ABCC12: variants seen among roughly 807,000 people sequenced by gnomAD.
The protein encoded by ABCC12 is ATP binding cassette subfamily C member 12.
Under a neutral mutation model 151.1 loss-of-function variants are expected in ABCC12, and 142 were observed. The observed-to-expected ratio is 0.94, with a 90% CI of 0.82 to 1.08. ABCC12 has a LOEUF of 1.08. Ranked by LOEUF, ABCC12 falls within the 50% of genes least tolerant of loss-of-function variation. ABCC12 has a pLI of 0.00. For missense variants in ABCC12, 1,638 were observed against 1,691.1 expected, an observed-to-expected ratio of 0.97 and a Z score of 0.55; for synonymous variants, 645 against 646.4, an observed-to-expected ratio of 1.00 and a Z score of 0.03.
Position 48,081,354 on chromosome 16 carries a change from T to C in ABCC12, c.*2361A>G, listed in dbSNP as rs556929622. On this transcript the variant is annotated 3_prime_UTR_variant, in exon 31 of 31. Transcript: ENST00000311303. ...TGGGAGAGGGGTTTGCTAAGATGGT[T>C]TCGTGTCTTATACATGCAAACAGCC... Among the ~76,000 whole-genome samples the C allele has an allele frequency of 6.6e-6, 1 of 152,268 alleles. No individual in the cohort carries two copies. The highest frequency in any genetic ancestry group is 6.5e-5 in the Admixed American group (1 of 15,298).
chr16:48,097,936 G>A (rs1045655935), intron 23 of ABCC12, among the ~76,000 whole-genome samples: 7 of 152,182 alleles, frequency 4.6e-5, no homozygotes, highest in Non-Finnish European at 8.8e-5. Flanking sequence ...AGGAGAGAAT[G>A]GCCCAGAGGT....
In ABCC12 at chr16:48,142,112, G is replaced by A. The variant is rs149425739; in HGVS notation, c.276-759C>T. Among the ~76,000 whole-genome samples the A allele has an allele frequency of 1.4e-3, 211 of 152,232 alleles. 1 individual carries two copies. Among genetic ancestry groups the A allele is most frequent in the Non-Finnish European group, 2.5e-3 (168 of 68,000 alleles). The stretch of plus-strand genomic sequence containing the variant: ...GGTTCAAGGACCGACCCCAGTTTTC[G>A]GGCTTGGCCAACTGTGTGAATATTT... On this transcript the variant is annotated intron_variant, in intron 4 of 30. Transcript: ENST00000311303.
At chr16:48,155,661 C>A (rs1395960517) in intron 1 of ABCC12, among the ~76,000 whole-genome samples, 180 bp downstream of exon 1, 1 of 152,208 alleles carries the variant, frequency 6.6e-6, no homozygotes. Context: ...CTTCTGGGAG[C>A]CTCGTCCCTG....
intron 6 of ABCC12, among the ~76,000 whole-genome samples, chr16:48,139,855 C>T (rs1439759124): frequency 1.3e-5 from 2 of 152,198 alleles, no homozygotes; most frequent in African/African-American, 4.8e-5. Context: ...CTTTCTCCTA[C>T]CACCTGTCTG....
intron 22 of ABCC12, among the ~76,000 whole-genome samples, chr16:48,102,505 T>C (rs752218937): frequency 3.0e-4 from 45 of 152,336 alleles, no homozygotes; most frequent in Non-Finnish European, 4.3e-4. Flanking sequence ...ATCAAGAACT[T>C]GGACACCCTT....
intron 4 of ABCC12, among the ~76,000 whole-genome samples, chr16:48,143,398 C>T (rs1335368421): frequency 6.6e-6 from 1 of 152,246 alleles, no homozygotes; most frequent in Non-Finnish European, 1.5e-5. Context: ...GCCCAAATCT[C>T]AGAGAATGGT....
intron 8 of ABCC12, among the ~76,000 whole-genome samples, chr16:48,136,440 T>C (rs541569990): frequency 1.3e-5 from 2 of 152,106 alleles, no homozygotes; most frequent in Non-Finnish European, 2.9e-5. Flanking sequence ...TCTTCCCCCA[T>C]AGAATAACGT....
intron 24 of ABCC12, among the ~76,000 whole-genome samples, chr16:48,095,475 TG>T (rs1293645569): frequency 8.6e-5 from 13 of 151,812 alleles, no homozygotes; most frequent in African/African-American, 3.1e-4. Flanking sequence ...AAAAATATGC[TG>T]CATCCATGTA....
At chr16:48,126,162 A>G (rs1014809571) in intron 11 of ABCC12, among the ~76,000 whole-genome samples, 39 of 152,180 alleles carry the variant, frequency 2.6e-4, no homozygotes, top group African/African-American at 8.9e-4. Context: ...AGCTGAATCT[A>G]TTTAATTCCC....
chr16:48,091,076 C>T (rs893324342), intron 25 of ABCC12, 44 bp downstream of exon 25: 1 of 1,591,482 alleles, frequency 6.3e-7, no homozygotes, highest in African/African-American at 1.3e-5. Flanking sequence ...CCAAGTCCTG[C>T]CAAAATTAAC....
intron 3 of ABCC12, among the ~76,000 whole-genome samples, chr16:48,145,678 C>T (rs772308918): frequency 3.9e-5 from 6 of 152,196 alleles, no homozygotes; most frequent in Non-Finnish European, 5.9e-5. Context: ...ACTGTGTGAC[C>T]GAGCCTGGGC....
rs781562888 is a variant in ABCC12 at position 48,105,292 on chromosome 16, G to C, written c.2520C>G (p.Gly840=). Residue 840 remains glycine (G), a synonymous_variant, in exon 21 of 31, where the codon GGC becomes GGG. Coordinates refer to ENST00000311303, the MANE Select transcript of ABCC12 (RefSeq NM_001393797.1). ...PQGNRTMCEV[G]AVLADIGQHV... ...GCTGACCGATGTCTGCCAGCACCGC[G>C]CCGACCTCACACATGGTCCTGTTGC... 1 of 1,613,410 alleles carries C rather than the reference G, an allele frequency of 6.2e-7. No homozygotes were observed. The highest frequency in any genetic ancestry group is 8.5e-7 in the Non-Finnish European group (1 of 1,179,902).
In ABCC12 at chr16:48,083,820, G is replaced by T. The variant is rs1214569542; in HGVS notation, c.3994-19C>A. 1.2e-6 allele frequency: 2 copies of T among 1,614,014 alleles called. No homozygotes were observed. Among genetic ancestry groups the T allele is most frequent in the Non-Finnish European group, 1.7e-6 (2 of 1,179,978 alleles). On this transcript the variant is annotated intron_variant, in intron 30 of 30. Coordinates refer to ENST00000311303, the MANE Select transcript of ABCC12 (RefSeq NM_001393797.1). ...CAATCACCTGAAAGTCAGAGAAGAA[G>T]AACTGAAATCATCGGAAAATATCTA...
intron 18 of ABCC12, among the ~76,000 whole-genome samples, chr16:48,109,026 C>T (rs184624003): frequency 6.6e-6 from 1 of 152,220 alleles, no homozygotes; most frequent in African/African-American, 2.4e-5. Context: ...TTCCTATTGG[C>T]CTTGGGGTGA....
chr16:48,124,802 C>A (rs1240946402), intron 11 of ABCC12, among the ~76,000 whole-genome samples: 2 of 152,176 alleles, frequency 1.3e-5, no homozygotes, highest in Non-Finnish European at 2.9e-5. Context: ...ATTATCAGAG[C>A]CTGCTATGTG....
chr16:48,082,596 C>G lies in ABCC12; in HGVS notation c.*1119G>C, dbSNP rs1014849467. ...TCCTCCACGTCTGGGGAAGCAAGTA[C>G]GTGACCAACACTTACAAGGGAAGTG... On this transcript the variant is annotated 3_prime_UTR_variant, in exon 31 of 31. Transcript: ENST00000311303. Among the ~76,000 whole-genome samples the G allele has an allele frequency of 1.3e-5, 2 of 152,160 alleles. No homozygotes were observed. Among genetic ancestry groups the G allele is most frequent in the African/African-American group, 4.8e-5 (2 of 41,436 alleles).
In ABCC12 at chr16:48,143,910, C is replaced by T; in HGVS notation, c.275G>A (p.Arg92Lys). Residue 92 changes from arginine to lysine, a missense_variant and splice_region_variant, in exon 4 of 31, where the codon AGA becomes AAA. By Grantham distance (26) the Arg-to-Lys change is conservative (BLOSUM62 2). Coordinates refer to ENST00000311303, the MANE Select transcript of ABCC12 (RefSeq NM_001393797.1). ...TYDSSDTNAKRFRVLWDEEVA... is the reference protein window; with the variant it reads ...TYDSSDTNAKKFRVLWDEEVA... The stretch of plus-strand genomic sequence containing the variant: ...CAGTGACCCAAGCAAATCCTGGTAC[C>T]TTTTGGCATTGGTGTCAGATGAGTC... 1.2e-6 allele frequency: 2 copies of T among 1,612,846 alleles called. No individual in the cohort carries two copies. Among genetic ancestry groups the T allele is most frequent in the South Asian group, 1.1e-5 (1 of 90,928 alleles).
At chr16:48,128,804 C>T in intron 10 of ABCC12, 67 bp from the exon 11 acceptor site, 2 of 1,535,904 alleles carry the variant, frequency 1.3e-6, no homozygotes, top group South Asian at 2.4e-5. Flanking sequence ...CCCAATGTAT[C>T]TTCTAATGAC....
chr16:48,128,868 G>T, intron 10 of ABCC12, 131 bp from the exon 11 acceptor site: 1 of 1,023,026 alleles, frequency 9.8e-7, no homozygotes, highest in Non-Finnish European at 1.4e-6. Flanking sequence ...AAGAGGTTCT[G>T]AAATTATTCC....
Sources: gnomAD v4.1 joint callset for allele counts (sites outside exome capture counted in the v4.1 genomes callset) on GRCh38, gnomAD v4.1.1 for gene constraint, MANE v1.5 for transcripts, NCBI Gene and HGNC (gene_info 2026-07-23, HGNC 2026-07-21) for gene names.